The following PNPLA1 variants were observed in gnomAD, a reference collection of about 807,000 sequenced individuals.
The protein encoded by PNPLA1 is omega-hydroxyceramide transacylase.
Under a neutral mutation model 51.7 loss-of-function variants are expected in PNPLA1, and 36 were observed. That is an observed-to-expected ratio of 0.70 (90% CI 0.53 to 0.92). PNPLA1 has a LOEUF of 0.92. PNPLA1 is among the 40% of genes least tolerant of loss of function. The pLI is 0.00. For missense variants in PNPLA1, 658 were observed against 682.5 expected (o/e 0.96, Z 0.40); for synonymous variants, 293 against 280.1 (o/e 1.05, Z -0.46).
At chr6:36,243,191 G>A (rs917145623), upstream of PNPLA1, 1 of 152,244 alleles carries the variant, frequency 6.6e-6, no homozygotes, top group African/African-American at 2.4e-5. Context: ...GCCAGGGGGA[G>A]CCCACATTGG....
intron 5 of PNPLA1, among the ~76,000 whole-genome samples, chr6:36,300,993 A>G (rs1029339759): frequency 6.6e-6 from 1 of 152,156 alleles, no homozygotes; most frequent in African/African-American, 2.4e-5. Context: ...TGTTCTTCAA[A>G]TTGTTCCAGC....
At chr6:36,284,555 T>TCATC (rs66750925) in intron 1 of PNPLA1, among the ~76,000 whole-genome samples, 7,813 of 148,372 alleles carry the variant, frequency 0.053, 288 homozygotes, top group East Asian at 0.12. Context: ...ATCCATCCAC[T>TCATC]CATCCATCCA....
At position 36,301,847 on chromosome 6, in the gene PNPLA1, A is replaced by G. The variant is rs2127351738; in HGVS notation, c.776-14A>G. On this transcript the variant is annotated splice_polypyrimidine_tract_variant and intron_variant, in intron 5 of 8. Transcript: ENST00000636260. The stretch of plus-strand genomic sequence containing the variant: ...CCAGGGCTGAGTAACACCCCATGCT[A>G]TTGTTTATCCTAGATGCTGTTTATC... The G allele has an allele frequency of 1.2e-6, 2 of 1,606,832 alleles. No homozygotes were observed. The highest frequency in any genetic ancestry group is 1.7e-6 in the Non-Finnish European group (2 of 1,175,068).
chr6:36,295,428 A>T lies in PNPLA1; in HGVS notation c.775+4A>T. ...GTTTTGTACTTGAGGCGGCTGAGTA[A>T]GTACCGGTGGGGCCCCAGGTAAGGG... On this transcript the variant is annotated splice_donor_region_variant and intron_variant, in intron 5 of 8. Transcript: ENST00000636260. 1 of 1,614,164 alleles carries T rather than the reference A, an allele frequency of 6.2e-7. No homozygotes were observed. The highest frequency in any genetic ancestry group is 1.1e-5 in the South Asian group (1 of 91,084).
At chr6:36,263,489 T>C (rs1020145068) in intron 1 of PNPLA1, among the ~76,000 whole-genome samples, 1 of 152,212 alleles carries the variant, frequency 6.6e-6, no homozygotes, top group African/African-American at 2.4e-5. Flanking sequence ...TAGCATTTCA[T>C]AGCCCTCAGA....
intron 1 of PNPLA1, among the ~76,000 whole-genome samples, chr6:36,254,159 A>G (rs1166564498): frequency 6.6e-6 from 1 of 152,234 alleles, no homozygotes; most frequent in African/African-American, 2.4e-5. Context: ...TTTACAAATA[A>G]ACCTTTAAAT....
chr6:36,302,806 C>T (rs970581474), intron 6 of PNPLA1, among the ~76,000 whole-genome samples: 2 of 152,144 alleles, frequency 1.3e-5, no homozygotes, highest in African/African-American at 4.8e-5. Context: ...GCCTTTTTTA[C>T]AAGCCCTCCA....
chr6:36,267,065 T>C (rs1277350458), upstream of PNPLA1, among the ~76,000 whole-genome samples: 1 of 152,226 alleles, frequency 6.6e-6, no homozygotes, highest in Non-Finnish European at 1.5e-5. Flanking sequence ...TTGTTGGAAG[T>C]GTGTGATAAG....
rs750865772 is a variant in PNPLA1, at chr6:36,306,245, A to C, written c.1385-47A>C. 7 of 1,411,644 alleles carry C rather than the reference A, an allele frequency of 5.0e-6. No homozygotes were observed. The South Asian group carries it at 6.2e-5, about 12-fold the overall frequency. The allele number at this position is 1,411,644 out of a possible 1,614,324, so 87.4% of individuals were successfully genotyped here. A position where few individuals can be genotyped will look rare whatever the true frequency, so the allele number is the denominator to read the frequency against. ...ATTGCTATTTCAAAAATGACTCCAT[A>C]TCCCCCCTCCCCATCTCACTCCCGT... On this transcript the variant is annotated intron_variant, in intron 6 of 8. Coordinates refer to ENST00000636260, the MANE Select transcript of PNPLA1 (RefSeq NM_001374623.1).
At chr6:36,273,251 T>TAATA (rs61428212) in intron 1 of PNPLA1, among the ~76,000 whole-genome samples, 15,547 of 146,498 alleles carry the variant, frequency 0.11, 1,078 homozygotes, top group African/African-American at 0.19. Context: ...AATAAATAAA[T>TAATA]AATAAATAAA....
chr6:36,299,680 C>T lies in PNPLA1; in HGVS notation c.776-2181C>T, dbSNP rs1049036141. Among the ~76,000 whole-genome samples, 151 of 152,268 alleles carry T rather than the reference C, an allele frequency of 9.9e-4. 1 individual carries two copies. The highest frequency in any genetic ancestry group is 3.5e-3 in the African/African-American group (147 of 41,542). On this transcript the variant is annotated intron_variant, in intron 5 of 8. Coordinates refer to ENST00000636260, the MANE Select transcript of PNPLA1 (RefSeq NM_001374623.1). ...ATGCTCAGAATTTTTCATTTTAGCCCTTCTAACAGGTGCATGTCGGTAACT... is the reference window on the plus strand; with the variant it reads ...ATGCTCAGAATTTTTCATTTTAGCCTTTCTAACAGGTGCATGTCGGTAACT...
At chr6:36,259,709 T>A (rs1470624601) in intron 1 of PNPLA1, among the ~76,000 whole-genome samples, 1 of 152,176 alleles carries the variant, frequency 6.6e-6, no homozygotes, top group Non-Finnish European at 1.5e-5. Flanking sequence ...CAGAGGCCAT[T>A]ATCCTACACA....
chr6:36,302,933 C>T (rs897305660), intron 6 of PNPLA1, among the ~76,000 whole-genome samples: 2 of 152,158 alleles, frequency 1.3e-5, no homozygotes, highest in African/African-American at 4.8e-5. Flanking sequence ...CAGCCCTCAA[C>T]TGTGTGTTAC....
chr6:36,278,020 T>A (rs1770165019), intron 1 of PNPLA1, among the ~76,000 whole-genome samples: 1 of 152,136 alleles, frequency 6.6e-6, no homozygotes, highest in Non-Finnish European at 1.5e-5. Context: ...ACCTACTGTG[T>A]CTCCTGCCTA....
intron 1 of PNPLA1, among the ~76,000 whole-genome samples, chr6:36,258,123 C>T (rs186673702): frequency 7.5e-4 from 115 of 152,318 alleles, no homozygotes; most frequent in African/African-American, 2.3e-3. Flanking sequence ...CTGCATCTGG[C>T]TGGGAGCTGA....
intron 6 of PNPLA1, among the ~76,000 whole-genome samples, chr6:36,305,521 A>G (rs2127354714): frequency 6.6e-6 from 1 of 152,286 alleles, no homozygotes; most frequent in African/African-American, 2.4e-5. Context: ...ATAATACATA[A>G]TTACATATTA....
chr6:36,268,482 AG>A (rs1413632981), upstream of PNPLA1, among the ~76,000 whole-genome samples: 1 of 152,100 alleles, frequency 6.6e-6, no homozygotes, highest in Non-Finnish European at 1.5e-5. Flanking sequence ...CCTGTGAAAC[AG>A]GTCCCATTAC....
chr6:36,305,329 T>C (rs943624113), intron 6 of PNPLA1, among the ~76,000 whole-genome samples: 1 of 152,186 alleles, frequency 6.6e-6, no homozygotes, highest in Non-Finnish European at 1.5e-5. Flanking sequence ...TATCAGTCAT[T>C]TAATGATGGC....
chr6:36,265,976 C>T (rs896857496), upstream of PNPLA1, among the ~76,000 whole-genome samples: 3 of 152,228 alleles, frequency 2.0e-5, no homozygotes, highest in Non-Finnish European at 4.4e-5. Context: ...CTTGGGCTCA[C>T]ACACTCTCCT....
Sources: allele counts gnomAD v4.1 joint callset (sites outside exome capture counted in the v4.1 genomes callset), GRCh38; gene constraint gnomAD v4.1.1; transcripts MANE v1.5; gene names NCBI Gene and HGNC (gene_info 2026-07-23, HGNC 2026-07-21).